The following KMT2C variants were observed in gnomAD, a reference collection of about 807,000 sequenced individuals.
KMT2C encodes the protein histone-lysine N-methyltransferase 2C.
A neutral mutation model predicts 507.9 loss-of-function variants in KMT2C; 88 were observed. The ratio of observed to expected loss-of-function variants is 0.17; its 90% CI spans 0.15 to 0.21. The LOEUF (loss-of-function observed/expected upper bound fraction) is 0.21, where lower values mean the gene tolerates loss of function less well. Among genes scored for constraint, KMT2C ranks in the 10% least tolerant of loss-of-function variants. The pLI is 1.00. For synonymous variants in KMT2C, 2,049 were observed against 2,080.8 expected (o/e 0.98, Z 0.42); for missense variants, 4,954 against 5,957.8 (o/e 0.83, Z 5.55).
chr7:152,198,926 T>C (rs575709641), intron 27 of KMT2C, among the ~76,000 whole-genome samples: 16 of 152,312 alleles, frequency 1.1e-4, no homozygotes, highest in Middle Eastern at 3.4e-3. Flanking sequence ...TTTCGGTTTC[T>C]CTGTTTTGAA....
chr7:152,318,626 CAAAA>C (rs67446037), intron 3 of KMT2C, among the ~76,000 whole-genome samples: 11 of 54,418 alleles, frequency 2.0e-4, no homozygotes, highest in African/African-American at 5.1e-4. Context: ...GACTCCATCT[CAAAA>C]AAAAAAAAAA....
intron 1 of KMT2C, among the ~76,000 whole-genome samples, chr7:152,364,928 C>T (rs542887600): frequency 7.3e-6 from 1 of 137,350 alleles, no homozygotes; most frequent in East Asian, 2.4e-4. Flanking sequence ...AAATCTGAAA[C>T]AGACAGACAC....
chr7:152,214,222 T>C (rs748126256), intron 23 of KMT2C, among the ~76,000 whole-genome samples: 3 of 151,706 alleles, frequency 2.0e-5, no homozygotes, highest in Non-Finnish European at 4.4e-5. Flanking sequence ...TGGGCATATA[T>C]TCAAAGGTAA....
chr7:152,211,966 C>T (rs551336748), intron 23 of KMT2C, among the ~76,000 whole-genome samples: 26 of 152,062 alleles, frequency 1.7e-4, no homozygotes, highest in African/African-American at 5.8e-4. Flanking sequence ...GAGAATGGCA[C>T]GAACCTGGGA....
intron 2 of KMT2C, among the ~76,000 whole-genome samples, chr7:152,339,523 T>A (rs2096970621): frequency 6.6e-6 from 1 of 152,240 alleles, no homozygotes; most frequent in Non-Finnish European, 1.5e-5. Flanking sequence ...AAGTTTGGCT[T>A]ATTTTTATTT....
rs144072652 is a variant in KMT2C at position 152,201,781 on chromosome 7, G to A, written c.4092+1153C>T. ...AGGATATACAAAAAGTAAGGCACAG[G>A]CTAGGCACTTTACATACATACTCTC... On this transcript the variant is annotated intron_variant, in intron 26 of 58. Transcript: ENST00000262189. Among the ~76,000 whole-genome samples, 293 of 152,152 alleles carry A rather than the reference G, an allele frequency of 1.9e-3. 1 individual carries two copies. The highest frequency in any genetic ancestry group is 6.5e-3 in the African/African-American group (269 of 41,530).
intron 20 of KMT2C, 47 bp from the exon 21 acceptor site, chr7:152,222,729 T>C (rs370824395): frequency 9.7e-7 from 1 of 1,027,466 alleles, no homozygotes; most frequent in Non-Finnish European, 1.5e-6. Context: ...TGGAATATAC[T>C]GAGAACTGCT....
Position 152,330,709 on chromosome 7 carries a change from G to A in KMT2C, c.281C>T (p.Ala94Val). The A allele has an allele frequency of 2.5e-6, 4 of 1,613,850 alleles. No homozygotes were observed. The highest frequency in any genetic ancestry group is 3.4e-6 in the Non-Finnish European group (4 of 1,179,826). Residue 94 changes from alanine (A) to valine (V), a missense_variant, in exon 3 of 59, where the codon GCT (alanine) becomes GTT (valine). Transcript: ENST00000262189. ...TTTGCTGTTATCCACTTCTGCTTCA[G>A]CATCCTCTTCTGCAGATTGTTCTTT... ...EIKEQSAEEDAEAEVDNSKQL... is the reference protein window; with the variant it reads ...EIKEQSAEEDVEAEVDNSKQL...
chr7:152,368,779 G>A, intron 1 of KMT2C: 1 of 746,512 alleles, frequency 1.3e-6, no homozygotes, highest in Non-Finnish European at 2.2e-6. Flanking sequence ...GGATTTAACA[G>A]CGTGACAAAA....
At chr7:152,318,450 C>T (rs1236615464) in intron 3 of KMT2C, among the ~76,000 whole-genome samples, 1 of 150,018 alleles carries the variant, frequency 6.7e-6, no homozygotes, top group Non-Finnish European at 1.5e-5. Context: ...CCACCCCCTC[C>T]CCATCTCTAC....
In KMT2C at chr7:152,181,650, G is replaced by T. The variant is rs950653826; in HGVS notation, c.6210C>A (p.Asp2070Glu). 1.2e-6 allele frequency: 2 copies of T among 1,614,052 alleles called. No homozygotes were observed. The highest frequency in any genetic ancestry group is 1.7e-5 in the Admixed American group (1 of 60,016). Residue 2070 changes from aspartate to glutamate, a missense_variant, in exon 36 of 59, where the codon GAC becomes GAA. Around this residue, in one of 29 missense-constraint regions of KMT2C, gnomAD observed 1,689 missense variants for 1,654.3 expected, o/e 1.02. Coordinates refer to ENST00000262189, the MANE Select transcript of KMT2C (RefSeq NM_170606.3). The part of the protein sequence containing the change: ...VSQASRRLSV[D>E]PYERPALTPR... ...GTGTCAAAGCAGGCCTTTCATAAGGGTCAACAGACAATCGCCTTGATGCCT... is the reference window on the plus strand; with the variant it reads ...GTGTCAAAGCAGGCCTTTCATAAGGTTCAACAGACAATCGCCTTGATGCCT...
chr7:152,365,544 TTCC>T (rs1343563335), intron 1 of KMT2C, among the ~76,000 whole-genome samples: 5 of 152,230 alleles, frequency 3.3e-5, no homozygotes, highest in African/African-American at 7.2e-5. Flanking sequence ...AACTAAAAAC[TTCC>T]TCCTTTTTTC....
At chr7:152,326,665 G>A (rs141696783) in intron 3 of KMT2C, among the ~76,000 whole-genome samples, 4,553 of 152,176 alleles carry the variant, frequency 0.03, 143 homozygotes, top group Non-Finnish European at 0.037. Context: ...CAGATCACGA[G>A]GTCAGGAGAT....
intron 2 of KMT2C, 34 bp from the exon 3 acceptor site, chr7:152,330,773 C>T (rs760209327): frequency 1.3e-6 from 2 of 1,599,306 alleles, no homozygotes; most frequent in Admixed American, 3.3e-5. Context: ...AACAAAGAGT[C>T]ATTTTTGTGT....
chr7:152,305,532 GC>G (rs1468872542), intron 6 of KMT2C, among the ~76,000 whole-genome samples: 1 of 151,980 alleles, frequency 6.6e-6, no homozygotes, highest in East Asian at 1.9e-4. Flanking sequence ...ATCATGTAGA[GC>G]CTTACAGGTT....
chr7:152,224,751 C>G, intron 18 of KMT2C, 135 bp from the exon 19 acceptor site: 1 of 651,542 alleles, frequency 1.5e-6, no homozygotes, highest in Non-Finnish European at 2.6e-6. Context: ...TGAGCACCTA[C>G]GGAGGCCCAA....
At chr7:152,308,023 T>C (rs558039874) in intron 6 of KMT2C, among the ~76,000 whole-genome samples, 2 of 152,358 alleles carry the variant, frequency 1.3e-5, no homozygotes, top group East Asian at 3.9e-4. Context: ...GAAATATCAT[T>C]GTCTTAATCC....
At chr7:152,139,993 A>C (rs182863377) in intron 55 of KMT2C, among the ~76,000 whole-genome samples, 50 of 152,344 alleles carry the variant, frequency 3.3e-4, no homozygotes, top group African/African-American at 1.2e-3. Context: ...TCACTAGCTT[A>C]TTCCTACATC....
intron 3 of KMT2C, among the ~76,000 whole-genome samples, chr7:152,323,379 T>A (rs35453573): frequency 0.049 from 7,500 of 152,018 alleles, 340 homozygotes; most frequent in African/African-American, 0.1. Context: ...GGCTCATGCC[T>A]ATAATCCCAG....
Sources: gnomAD v4.1 joint callset for allele counts (sites outside exome capture counted in the v4.1 genomes callset) on GRCh38, gnomAD v4.1.1 for gene constraint, gnomAD v4.1.1 regional missense constraint, MANE v1.5 for transcripts, NCBI Gene and HGNC (gene_info 2026-07-23, HGNC 2026-07-21) for gene names.